The following VILL variants were observed in gnomAD, a reference collection of about 807,000 sequenced individuals.
The protein encoded by VILL is villin like.
In VILL, 102 loss-of-function variants were observed where a neutral mutation model predicts 106.3. That is an observed-to-expected ratio of 0.96 (90% CI 0.82 to 1.13). The LOEUF is 1.13. Among genes scored for constraint, VILL ranks in the 50% most tolerant of loss-of-function variants. The pLI is 0.00. For synonymous variants in VILL, 431 were observed against 440.3 expected (o/e 0.98, Z 0.27); for missense variants, 1,076 against 1,116.6 (o/e 0.96, Z 0.52).
chr3:37,996,555 G>A (rs924928073), intron 5 of VILL, among the ~76,000 whole-genome samples: 1 of 152,172 alleles, frequency 6.6e-6, no homozygotes, highest in Non-Finnish European at 1.5e-5. Context: ...AAGTGAGTCT[G>A]CATAGGCAGC....
intron 11 of VILL, among the ~76,000 whole-genome samples, chr3:37,999,851 A>G (rs1208701897): frequency 2.6e-5 from 4 of 152,238 alleles, no homozygotes; most frequent in Admixed American, 1.3e-4. Flanking sequence ...ACAACCATCA[A>G]TCCGCAGAGA....
chr3:37,999,254 G>A lies in VILL; in HGVS notation c.1082-85G>A, dbSNP rs559921239. The A allele has an allele frequency of 6.8e-5, 85 of 1,254,320 alleles. 1 individual carries two copies. The South Asian group carries it at 1.2e-3, about 18-fold the overall frequency. The allele number at this position is 1,254,320 out of a possible 1,614,324, so 77.7% of individuals were successfully genotyped here. On this transcript the variant is annotated intron_variant, in intron 10 of 19. Transcript: ENST00000383759. ...GGACGCGGCGGGACCTGGAATCTTG[G>A]AGGGATGGTTGAGGAGTGGGCGGGG... is the stretch of plus-strand genomic sequence containing the variant.
At chr3:38,005,724 G>A (rs1342293346) in intron 16 of VILL, 68 bp from the exon 17 acceptor site, 5 of 1,514,574 alleles carry the variant, frequency 3.3e-6, no homozygotes, top group Non-Finnish European at 4.4e-6. Context: ...GACAGGGAGT[G>A]GACAGGAAGG....
At chr3:37,990,567 T>G (rs1463346323), upstream of VILL, among the ~76,000 whole-genome samples, 1 of 152,122 alleles carries the variant, frequency 6.6e-6, no homozygotes, top group Non-Finnish European at 1.5e-5. The surrounding 1 kb of genome is among the most constrained non-coding windows in gnomAD (Gnocchi z 5.1). Context: ...TGGCCACTGG[T>G]ACCCAGGCAG....
intron 4 of VILL, among the ~76,000 whole-genome samples, chr3:37,995,011 T>A (rs1699675383): frequency 6.6e-6 from 1 of 152,270 alleles, no homozygotes; most frequent in African/African-American, 2.4e-5. Context: ...GACATTTGAG[T>A]TGTTTCCACT....
chr3:37,992,752 C>T (rs1699629144), intron 1 of VILL, among the ~76,000 whole-genome samples: 2 of 152,196 alleles, frequency 1.3e-5, no homozygotes, highest in African/African-American at 4.8e-5. Flanking sequence ...TCCGCTCCCA[C>T]ATTTCTTTGG....
rs140917094 is a variant in VILL, at chr3:37,994,359, C to A, written c.234C>A (p.Ala78=). Residue 78 remains alanine (A), a synonymous_variant, in exon 4 of 20, where the codon GCC becomes GCA. Coordinates refer to ENST00000383759, the MANE Select transcript of VILL (RefSeq NM_015873.4). ...CGGAAGCGCAGGGCGCTGCGGAGGCCTTCCAGCAGCGCCTACAGGACGAGC... is the reference window on the plus strand; with the variant it reads ...CGGAAGCGCAGGGCGCTGCGGAGGCATTCCAGCAGCGCCTACAGGACGAGC... ...AGAEAQGAAE[A]FQQRLQDELG... 2 of 1,611,862 alleles carry A rather than the reference C, an allele frequency of 1.2e-6. No individual in the cohort carries two copies. The highest frequency in any genetic ancestry group is 1.7e-4 in the Middle Eastern group (1 of 6,058).
intron 15 of VILL, chr3:38,003,540 T>A: frequency 3.6e-6 from 2 of 557,294 alleles, no homozygotes; most frequent in African/African-American, 1.9e-5. Flanking sequence ...AGTGGCGACC[T>A]CTGCTGGCAG....
rs763230314 is a variant in VILL at position 38,001,718 on chromosome 3, C to A, written c.1337C>A (p.Ala446Glu). The A allele has an allele frequency of 9.3e-6, 15 of 1,614,050 alleles. No homozygotes were observed. Among genetic ancestry groups the A allele is most frequent in the East Asian group, 6.7e-5 (3 of 44,880 alleles). ...CACCTGCAGGGCCACCAGGCCACTG[C>A]GGATGAGATTGAGGCCCTGAACAGC... ...LYLWQGHQAT[A>E]DEIEALNSNA... is the part of the protein sequence containing the mutation. The change falls in exon 13 of 20, where the codon GCG becomes GAG. Residue 446 changes from alanine (A) to glutamate (E), a missense_variant. Ala to Glu is a moderately radical substitution (Grantham distance 107, BLOSUM62 -1). Transcript: ENST00000383759.
Position 38,001,796 on chromosome 3 carries a change from T to A in VILL, c.1415T>A (p.Val472Glu). Residue 472 changes from valine to glutamate, a missense_variant, in exon 13 of 20, where the codon GTG (valine) becomes GAG (glutamate). Physicochemically the swap from Val to Glu is moderately radical, Grantham distance 121. Coordinates refer to ENST00000383759, the MANE Select transcript of VILL (RefSeq NM_015873.4). ...MYGGVLVQEH[V>E]TMGSEPPHFL... is the part of the protein sequence containing the mutation. ...GGTGGCGTCCTAGTACAGGAGCATG[T>A]GACCATGGGCAGCGAGCCCCCCCAC... The A allele has an allele frequency of 6.2e-7, 1 of 1,614,212 alleles. No individual in the cohort carries two copies. The highest frequency in any genetic ancestry group is 8.5e-7 in the Non-Finnish European group (1 of 1,180,000).
At chr3:37,994,052 GC>G in intron 3 of VILL, 80 bp downstream of exon 3, 1 of 1,567,954 alleles carries the variant, frequency 6.4e-7, no homozygotes, top group Non-Finnish European at 8.8e-7. Context: ...CATAAACTCT[GC>G]CCTGGGAAGC....
chr3:38,001,755 A>G lies in VILL; in HGVS notation c.1374A>G (p.Glu458=), dbSNP rs1699820919. Residue 458 remains glutamate, a synonymous_variant, in exon 13 of 20, where the codon GAA becomes GAG. Transcript: ENST00000383759. ...AGGCCCTGAACAGCAACGCTGAGGA[A>G]CTAGATGTCATGTATGGTGGCGTCC... The part of the protein sequence containing the change: ...EIEALNSNAE[E]LDVMYGGVLV... 1 of 1,614,070 alleles carries G rather than the reference A, an allele frequency of 6.2e-7. No individual in the cohort carries two copies. Among genetic ancestry groups the G allele is most frequent in the Admixed American group, 1.7e-5 (1 of 60,010 alleles).
chr3:37,999,296 G>A (rs9882803), intron 10 of VILL, 43 bp from the exon 11 acceptor site: 20 of 1,432,660 alleles, frequency 1.4e-5, no homozygotes, highest in South Asian at 8.5e-5. Context: ...TGGTGTTGGG[G>A]GGGGGCAGAG....
At position 38,000,991 on chromosome 3, in the gene VILL, A is replaced by G. The variant is rs146795414; in HGVS notation, c.1183-465A>G. On this transcript the variant is annotated intron_variant, in intron 11 of 19. Transcript: ENST00000383759. ...GCCACCCACAGGAAGAAGAAACTACACTGACAGATGTGAGACAGTGTTTCC... is the reference window on the plus strand; with the variant it reads ...GCCACCCACAGGAAGAAGAAACTACGCTGACAGATGTGAGACAGTGTTTCC... The G allele has an allele frequency of 3.7e-3, 1,685 of 458,458 alleles. 22 individuals are homozygous for G. The highest frequency in any genetic ancestry group is 0.029 in the African/African-American group (1,470 of 50,290). 28.4% of individuals were successfully genotyped at this position (458,458 alleles called of 1,614,324 possible). A position where few individuals can be genotyped will look rare whatever the true frequency, so the allele number is the denominator to read the frequency against.
At chr3:38,001,635 A>G in intron 12 of VILL, 42 bp downstream of exon 12, 1 of 1,613,430 alleles carries the variant, frequency 6.2e-7, no homozygotes. Flanking sequence ...TTAAAGCCCA[A>G]GGGCTGGGCT....
chr3:38,004,866 C>A (rs1045950355), intron 16 of VILL, among the ~76,000 whole-genome samples: 3 of 152,156 alleles, frequency 2.0e-5, no homozygotes, highest in African/African-American at 4.8e-5. Context: ...CTGGCCAGAC[C>A]AGTGGCAACT....
chr3:37,998,319 C>T lies in VILL; in HGVS notation c.897C>T (p.Arg299=), dbSNP rs1333450912. The change falls in exon 9 of 20, where the codon CGC becomes CGT. Residue 299 remains arginine, a synonymous_variant. Transcript: ENST00000383759. This position sits in a 1 kb window ranked among gnomAD's most constrained non-coding sequence, Gnocchi z 4.1. ...GGFKIYVWQG[R]MSSLQERKAA... is the part of the protein sequence containing the mutation. Reference sequence around the variant, plus strand: ...TCAAGATCTATGTGTGGCAGGGACGCATGTCTAGCCTCCAGGAGAGAAAGG... The same window carrying T: ...TCAAGATCTATGTGTGGCAGGGACGTATGTCTAGCCTCCAGGAGAGAAAGG... The T allele has an allele frequency of 2.5e-6, 4 of 1,614,034 alleles. No individual in the cohort carries two copies. Among genetic ancestry groups the T allele is most frequent in the South Asian group, 1.1e-5 (1 of 91,088 alleles).
At position 37,997,485 on chromosome 3, in the gene VILL, G is replaced by A. The variant is rs1347241508; in HGVS notation, c.564G>A (p.Gly188=). 2 of 1,613,508 alleles carry A rather than the reference G, an allele frequency of 1.2e-6. No individual in the cohort carries two copies. Among genetic ancestry groups the A allele is most frequent in the Non-Finnish European group, 1.7e-6 (2 of 1,179,982 alleles). The change falls in exon 7 of 20, where the codon GGG becomes GGA. Residue 188 remains glycine, a splice_region_variant and synonymous_variant. Coordinates refer to ENST00000383759, the MANE Select transcript of VILL (RefSeq NM_015873.4). The surrounding 1 kb of genome is among the most constrained non-coding windows in gnomAD (Gnocchi z 4.7). ...GACTCCCAGGTCCTCTCCCGCAGGG[G>A]CTGGCTTTGACCTACAGCCTCCGGG... ...PKTSISEKAR[G]LALTYSLRDR...
intron 1 of VILL, among the ~76,000 whole-genome samples, chr3:37,992,450 C>G (rs1699623978): frequency 6.6e-6 from 1 of 152,166 alleles, no homozygotes; most frequent in South Asian, 2.1e-4. Flanking sequence ...GCACGGACGG[C>G]TCCCTTCTCT....
Sources: allele counts gnomAD v4.1 joint callset (sites outside exome capture counted in the v4.1 genomes callset), GRCh38; gene constraint gnomAD v4.1.1; non-coding constraint Gnocchi (gnomAD v3.1); transcripts MANE v1.5; gene names NCBI Gene and HGNC (gene_info 2026-07-23, HGNC 2026-07-21).